Variants in ATP12A observed in about 807,000 individuals in gnomAD.
ATP12A encodes the protein ATPase H+/K+ transporting non-gastric alpha2 subunit, also known as potassium-transporting ATPase alpha chain 2.
ATP12A carries 81 observed loss-of-function variants against 111.2 expected under a neutral mutation model. That is an observed-to-expected ratio of 0.73 (90% CI 0.61 to 0.88). The LOEUF is 0.88. Ranked by LOEUF, ATP12A falls within the 40% of genes least tolerant of loss-of-function variation. The pLI, the probability that ATP12A is intolerant of heterozygous loss-of-function variation, is 0.00. For missense variants in ATP12A, 1,196 were observed against 1,313.1 expected (o/e 0.91, Z 1.38); for synonymous variants, 498 against 499.8 (o/e 1.00, Z 0.05).
rs552799337 is a variant in ATP12A, at chr13:24,696,637, G to A, written c.1513-2021G>A. 2.0e-3 allele frequency among the ~76,000 whole-genome samples: 223 copies of A among 110,210 alleles called. 26 individuals are homozygous for A. The highest frequency in any genetic ancestry group is 5.1e-3 in the African/African-American group (159 of 31,056). The allele number at this position is 110,210 out of a possible 152,430, so 72.3% of individuals were successfully genotyped here. A position where few individuals can be genotyped will look rare whatever the true frequency, so the allele number is the denominator to read the frequency against. The stretch of plus-strand genomic sequence containing the variant: ...TGAGGCAGGAGAATGGCGTGAACCC[G>A]GGAAGCGGAGCTTGCAGTGAGCCGA... On this transcript the variant is annotated intron_variant, in intron 11 of 22. Coordinates refer to ENST00000381946, the MANE Select transcript of ATP12A (RefSeq NM_001676.7).
intron 4 of ATP12A, 52 bp from the exon 5 acceptor site, chr13:24,689,210 C>G (rs541475023): frequency 1.4e-6 from 2 of 1,476,722 alleles, no homozygotes; most frequent in East Asian, 2.3e-5. Context: ...CCCCAGGGCC[C>G]GGCTGCTTCC....
chr13:24,686,568 G>C (rs1274313613), intron 3 of ATP12A, among the ~76,000 whole-genome samples: 1 of 151,452 alleles, frequency 6.6e-6, no homozygotes, highest in Non-Finnish European at 1.5e-5. Context: ...GTGAAACCCC[G>C]TCTCTACTAA....
chr13:24,709,587 TG>T, intron 18 of ATP12A, 95 bp from the exon 19 acceptor site: 1 of 1,586,546 alleles, frequency 6.3e-7, no homozygotes, highest in Non-Finnish European at 8.6e-7. Flanking sequence ...CTGTGGGGCC[TG>T]GGTTGGGGAG....
intron 13 of ATP12A, 69 bp downstream of exon 13, chr13:24,700,991 A>G (rs1044595409): frequency 9.1e-6 from 14 of 1,539,326 alleles, no homozygotes; most frequent in South Asian, 1.2e-5. Context: ...AATGGTTTTC[A>G]TAGCAGATGG....
Position 24,685,256 on chromosome 13 carries a change from G to T in ATP12A, c.169-58G>T. On this transcript the variant is annotated intron_variant, in intron 2 of 22. Transcript: ENST00000381946. This position sits in a 1 kb window ranked among gnomAD's most constrained non-coding sequence, Gnocchi z 5.5. ...AGCTTCCATGGCTGGTCAAAGCTTG[G>T]GGCTTGAGTCTTTTGGAATTATCTA... is the stretch of plus-strand genomic sequence containing the variant. 6.5e-7 allele frequency: 1 copy of T among 1,547,536 alleles called. No homozygotes were observed. Among genetic ancestry groups the T allele is most frequent in the Non-Finnish European group, 8.9e-7 (1 of 1,119,658 alleles).
At chr13:24,694,625 C>CT in intron 11 of ATP12A, 47 bp downstream of exon 11, 1 of 1,610,240 alleles carries the variant, frequency 6.2e-7, no homozygotes. Flanking sequence ...GGCAGCATGA[C>CT]CTTTCTACTT....
At position 24,706,313 on chromosome 13, in the gene ATP12A, G is replaced by A. The variant is rs575399038; in HGVS notation, c.2019G>A (p.Arg673=). The change falls in exon 15 of 23, where the codon CGG becomes CGA. Residue 673 remains arginine (R), a splice_region_variant and synonymous_variant. Transcript: ENST00000381946. Reference sequence around the variant, plus strand: ...ACCCAGTTTCTTCTGGCCCTTCTAGGGATGCCAAGGCCGCTGTGGTGACTG... The same window carrying A: ...ACCCAGTTTCTTCTGGCCCTTCTAGAGATGCCAAGGCCGCTGTGGTGACTG... ...LNIAVEQVNK[R]DAKAAVVTGM... is the part of the protein sequence containing the mutation. 1.2e-5 allele frequency: 19 copies of A among 1,613,838 alleles called. No individual in the cohort carries two copies. The East Asian group carries it at 4.2e-4, about 36-fold the overall frequency.
chr13:24,703,475 C>G (rs1156997371), intron 14 of ATP12A: 1 of 152,258 alleles, frequency 6.6e-6, no homozygotes, highest in East Asian at 1.9e-4. Flanking sequence ...CTCCTGACCT[C>G]AAGTGATCCA....
In ATP12A at chr13:24,711,655, A is replaced by G. The variant is rs1022188970; in HGVS notation, c.*133A>G. The G allele has an allele frequency of 2.4e-6, 3 of 1,228,050 alleles. No individual in the cohort carries two copies. Among genetic ancestry groups the G allele is most frequent in the Admixed American group, 2.1e-5 (1 of 47,844 alleles). The allele number at this position is 1,228,050 out of a possible 1,614,324, so 76.1% of individuals were successfully genotyped here. On this transcript the variant is annotated 3_prime_UTR_variant, in exon 23 of 23. Coordinates refer to ENST00000381946, the MANE Select transcript of ATP12A (RefSeq NM_001676.7). ...GACAAGAGGAAATTTTCATGCAGAAAGCTGTATGCAGGATGCTCACTGATG... is the reference window on the plus strand; with the variant it reads ...GACAAGAGGAAATTTTCATGCAGAAGGCTGTATGCAGGATGCTCACTGATG...
chr13:24,695,284 C>A lies in ATP12A; in HGVS notation c.1512+706C>A, dbSNP rs1411839697. The stretch of plus-strand genomic sequence containing the variant: ...CAGCCCCGTCGTTTTCTGGGGCCAG[C>A]CCCTGTGCTGTGGGTGGGGGTCTCC... On this transcript the variant is annotated intron_variant, in intron 11 of 22. Coordinates refer to ENST00000381946, the MANE Select transcript of ATP12A (RefSeq NM_001676.7). 2.0e-5 allele frequency among the ~76,000 whole-genome samples: 3 copies of A among 152,200 alleles called. No individual in the cohort carries two copies. The East Asian group carries it at 5.8e-4, about 29-fold the overall frequency.
rs1875960558 is a variant in ATP12A, at chr13:24,711,366, G to A, written c.3048G>A (p.Val1016=). The change falls in exon 22 of 23, where the codon GTG becomes GTA. Residue 1016 remains valine, a synonymous_variant. Transcript: ENST00000381946. ...TGCCGCACGCCATCCTGATCTGGGT[G>A]TATGATGAGGTGCGGAAGCTCTTCA... ...VAVPHAILIW[V]YDEVRKLFIR... The A allele has an allele frequency of 1.2e-6, 2 of 1,611,184 alleles. No individual in the cohort carries two copies. Among genetic ancestry groups the A allele is most frequent in the Non-Finnish European group, 1.7e-6 (2 of 1,178,568 alleles).
chr13:24,685,389 C>G lies in ATP12A; in HGVS notation c.228+16C>G. The G allele has an allele frequency of 6.2e-7, 1 of 1,613,036 alleles. No homozygotes were observed. Among genetic ancestry groups the G allele is most frequent in the South Asian group, 1.1e-5 (1 of 91,062 alleles). ...CATCATTATGGTGAGTCGTGGGAACCAGGGATTTGGAAGAGAAGCCTCCCA... is the reference window on the plus strand; with the variant it reads ...CATCATTATGGTGAGTCGTGGGAACGAGGGATTTGGAAGAGAAGCCTCCCA... On this transcript the variant is annotated intron_variant, in intron 3 of 22. Coordinates refer to ENST00000381946, the MANE Select transcript of ATP12A (RefSeq NM_001676.7). The surrounding 1 kb of genome is among the most constrained non-coding windows in gnomAD (Gnocchi z 5.5).
rs762594873 is a variant in ATP12A at position 24,701,912 on chromosome 13, C to T, written c.1882-23C>T. The T allele has an allele frequency of 8.1e-6, 13 of 1,613,994 alleles. No homozygotes were observed. The East Asian group carries it at 8.9e-5, about 11-fold the overall frequency. On this transcript the variant is annotated intron_variant, in intron 13 of 22. Transcript: ENST00000381946. ...AACCGAGTTCTTCATTACCCGTGGG[C>T]CTTCTCGTTGTCTTTGCTCTAGGTT...
Position 24,710,609 on chromosome 13 carries a change from G to T in ATP12A, c.2897+16G>T. 6.2e-7 allele frequency: 1 copy of T among 1,613,824 alleles called. No individual in the cohort carries two copies. Among genetic ancestry groups the T allele is most frequent in the African/African-American group, 1.3e-5 (1 of 75,042 alleles). ...GTCTCTTCAGGTACTGCCTGTGCCC[G>T]GCCTCCTGGGGCAGCCCTGGGCCTG... On this transcript the variant is annotated intron_variant, in intron 20 of 22. Coordinates refer to ENST00000381946, the MANE Select transcript of ATP12A (RefSeq NM_001676.7).
At position 24,685,627 on chromosome 13, in the gene ATP12A, T is replaced by C. The variant is rs1400204520; in HGVS notation, c.228+254T>C. 6.6e-6 allele frequency among the ~76,000 whole-genome samples: 1 copy of C among 152,092 alleles called. No homozygotes were observed. Among genetic ancestry groups the C allele is most frequent in the Non-Finnish European group, 1.5e-5 (1 of 68,012 alleles). On this transcript the variant is annotated intron_variant, in intron 3 of 22. Coordinates refer to ENST00000381946, the MANE Select transcript of ATP12A (RefSeq NM_001676.7). The surrounding 1 kb of genome is among the most constrained non-coding windows in gnomAD (Gnocchi z 5.5). ...ATGACCCCTGGCCTCAAGGAGAAAGTGGCCGGGTAGGGGAGGCAAATGTGT... is the reference window on the plus strand; with the variant it reads ...ATGACCCCTGGCCTCAAGGAGAAAGCGGCCGGGTAGGGGAGGCAAATGTGT...
rs780602684 is a variant in ATP12A at position 24,690,478 on chromosome 13, C to T, written c.681+6C>T. ...TGTCTTCTCAGGGGTGTCGGGTAAGCGGCAAGGGGTATCCACCCCAAGGAC... is the reference window on the plus strand; with the variant it reads ...TGTCTTCTCAGGGGTGTCGGGTAAGTGGCAAGGGGTATCCACCCCAAGGAC... On this transcript the variant is annotated splice_donor_region_variant and intron_variant, in intron 6 of 22. Coordinates refer to ENST00000381946, the MANE Select transcript of ATP12A (RefSeq NM_001676.7). 4.3e-6 allele frequency: 7 copies of T among 1,613,298 alleles called. No individual in the cohort carries two copies. The African/African-American group carries it at 5.3e-5, about 12-fold the overall frequency.
At position 24,711,524 on chromosome 13, in the gene ATP12A, A is replaced by T. The variant is rs1338105530; in HGVS notation, c.*2A>T. 1 of 1,614,074 alleles carries T rather than the reference A, an allele frequency of 6.2e-7. No homozygotes were observed. Among genetic ancestry groups the T allele is most frequent in the African/African-American group, 1.3e-5 (1 of 75,004 alleles). On this transcript the variant is annotated 3_prime_UTR_variant, in exon 23 of 23. Coordinates refer to ENST00000381946, the MANE Select transcript of ATP12A (RefSeq NM_001676.7). Reference sequence around the variant, plus strand: ...TGGGATAAGAACATGTATTATTAAGACCACCTCCCTTCCTATGTCTCTCAG... The same window carrying T: ...TGGGATAAGAACATGTATTATTAAGTCCACCTCCCTTCCTATGTCTCTCAG...
intron 11 of ATP12A, among the ~76,000 whole-genome samples, chr13:24,695,891 G>A (rs1426773284): frequency 1.3e-5 from 2 of 152,134 alleles, no homozygotes; most frequent in African/African-American, 4.8e-5. Context: ...TTACAGGCGT[G>A]AGCCACCAAG....
chr13:24,700,004 A>T (rs1593139774), intron 12 of ATP12A, among the ~76,000 whole-genome samples: 1 of 152,236 alleles, frequency 6.6e-6, no homozygotes. Context: ...ATCGATGCCC[A>T]CTTGCGTTTG....
Sources: allele counts gnomAD v4.1 joint callset (sites outside exome capture counted in the v4.1 genomes callset), GRCh38; gene constraint gnomAD v4.1.1; non-coding constraint Gnocchi (gnomAD v3.1); transcripts MANE v1.5; gene names NCBI Gene and HGNC (gene_info 2026-07-23, HGNC 2026-07-21).